The following BAZ2B variants were observed in gnomAD, a reference collection of about 807,000 sequenced individuals.
BAZ2B encodes bromodomain adjacent to zinc finger domain 2B, also known as bromodomain adjacent to zinc finger domain protein 2B.
A neutral mutation model predicts 246.0 loss-of-function variants in BAZ2B; 91 were observed. The ratio of observed to expected loss-of-function variants is 0.37; its 90% CI spans 0.31 to 0.44. The LOEUF (loss-of-function observed/expected upper bound fraction) is 0.44. Ranked by LOEUF, BAZ2B falls within the 20% of genes least tolerant of loss-of-function variation. The pLI is 1.00. For synonymous variants in BAZ2B, 855 were observed against 860.0 expected, an observed-to-expected ratio of 0.99 and a Z score of 0.10; for missense variants, 2,332 against 2,533.7, an observed-to-expected ratio of 0.92 and a Z score of 1.71.
At chr2:159,513,659 TG>T (rs1286540034) in intron 2 of BAZ2B, among the ~76,000 whole-genome samples, 1 of 152,210 alleles carries the variant, frequency 6.6e-6, no homozygotes, top group East Asian at 1.9e-4. Context: ...GAAATCTTTT[TG>T]GTTGTACCTC....
chr2:159,450,196 G>T (rs2074860721), intron 4 of BAZ2B, among the ~76,000 whole-genome samples: 1 of 152,126 alleles, frequency 6.6e-6, no homozygotes, highest in East Asian at 1.9e-4. Context: ...ATTTTAAAAA[G>T]TATTGGAGAA....
the BAZ2B span, among the ~76,000 whole-genome samples, chr2:159,691,677 G>A: frequency 6.6e-6 from 1 of 152,162 alleles, no homozygotes; most frequent in African/African-American, 2.4e-5. Flanking sequence ...AGCAACTCCA[G>A]CATCACTAGT....
intron 2 of BAZ2B, among the ~76,000 whole-genome samples, chr2:159,526,096 T>C (rs1419499852): frequency 6.6e-6 from 1 of 152,088 alleles, no homozygotes; most frequent in Non-Finnish European, 1.5e-5. Context: ...TATATAGAAG[T>C]AGGGATAATT....
chr2:159,476,391 T>C (rs1344716544), intron 3 of BAZ2B, among the ~76,000 whole-genome samples: 3 of 152,126 alleles, frequency 2.0e-5, no homozygotes, highest in Non-Finnish European at 2.9e-5. Context: ...TCAATATAAA[T>C]ACTCTATACT....
intron 13 of BAZ2B, among the ~76,000 whole-genome samples, chr2:159,418,923 A>G (rs921202118): frequency 6.6e-6 from 1 of 152,180 alleles, no homozygotes; most frequent in African/African-American, 2.4e-5. Flanking sequence ...TGCCTCTGGT[A>G]GTAAAATATT....
the BAZ2B span, among the ~76,000 whole-genome samples, chr2:159,656,399 CAG>C: frequency 6.6e-6 from 1 of 152,222 alleles, no homozygotes; most frequent in South Asian, 2.1e-4. Context: ...TGAGTTCTGA[CAG>C]ATGTATAATG....
intron 34 of BAZ2B, among the ~76,000 whole-genome samples, chr2:159,331,470 C>T (rs929213081): frequency 6.6e-6 from 1 of 152,200 alleles, no homozygotes; most frequent in Admixed American, 6.5e-5. Context: ...GAGGTTCAAG[C>T]GGTTCTCCTG....
intron 1 of BAZ2B, among the ~76,000 whole-genome samples, chr2:159,585,774 T>G (rs1049905638): frequency 6.6e-6 from 1 of 152,268 alleles, no homozygotes; most frequent in Non-Finnish European, 1.5e-5. Flanking sequence ...CTTCATTCAA[T>G]GACTAGGACT....
chr2:159,428,419 G>A lies in BAZ2B; in HGVS notation c.2256C>T (p.Gly752=). The part of the protein sequence containing the change: ...ERELRIPLEY[G]WQRETRIRNF... ...TTCTTATTCTTGTCTCTCTCTGCCA[G>A]CTACACATAACAGAAATGAAGGTTA... The change falls in exon 12 of 37, where the codon GGC becomes GGT. Residue 752 remains glycine (G), a splice_region_variant and synonymous_variant. Transcript: ENST00000392783. 2 of 1,608,494 alleles carry A rather than the reference G, an allele frequency of 1.2e-6. No homozygotes were observed. Among genetic ancestry groups the A allele is most frequent in the South Asian group, 2.2e-5 (2 of 90,682 alleles).
chr2:159,665,627 G>A, the BAZ2B span, among the ~76,000 whole-genome samples: 1 of 133,248 alleles, frequency 7.5e-6, no homozygotes, highest in Non-Finnish European at 1.6e-5. Context: ...AATAAATGGT[G>A]CTGGGAAAAC....
intron 19 of BAZ2B, chr2:159,396,936 A>G: frequency 2.1e-6 from 1 of 479,970 alleles, no homozygotes; most frequent in Non-Finnish European, 3.3e-6. Flanking sequence ...GATGTATGCA[A>G]TGCACTGTGC....
At chr2:159,315,789 A>T (rs374567228), downstream of BAZ2B, among the ~76,000 whole-genome samples, 7 of 152,226 alleles carry the variant, frequency 4.6e-5, no homozygotes, top group African/African-American at 1.7e-4. Context: ...GATTCCATAC[A>T]CAAGTCCATG....
At chr2:159,469,333 T>G (rs546693633) in intron 3 of BAZ2B, among the ~76,000 whole-genome samples, 2 of 152,290 alleles carry the variant, frequency 1.3e-5, no homozygotes, top group South Asian at 4.1e-4. Context: ...CATTTAATGA[T>G]GTAGACGAAA....
At chr2:159,620,420 G>C (rs1696383918), upstream of BAZ2B, among the ~76,000 whole-genome samples, 1 of 152,166 alleles carries the variant, frequency 6.6e-6, no homozygotes, top group South Asian at 2.1e-4. Context: ...TCACATTCTG[G>C]TTGATGTACA....
chr2:159,660,486 T>C, the BAZ2B span, among the ~76,000 whole-genome samples: 2 of 152,214 alleles, frequency 1.3e-5, no homozygotes, highest in Non-Finnish European at 2.9e-5. Flanking sequence ...GTTGTAGATG[T>C]GATGTATTTA....
chr2:159,675,705 G>A, the BAZ2B span, among the ~76,000 whole-genome samples: 34 of 151,938 alleles, frequency 2.2e-4, no homozygotes, highest in East Asian at 3.3e-3. Flanking sequence ...AGAATATAAC[G>A]AAATCCCAGC....
chr2:159,335,912 G>A (rs1438630869), intron 33 of BAZ2B, among the ~76,000 whole-genome samples: 1 of 152,202 alleles, frequency 6.6e-6, no homozygotes, highest in Non-Finnish European at 1.5e-5. Context: ...TGTAATCCTA[G>A]CACTTTGGGA....
At chr2:159,494,382 C>T (rs1423180312) in intron 2 of BAZ2B, among the ~76,000 whole-genome samples, 1 of 152,078 alleles carries the variant, frequency 6.6e-6, no homozygotes, top group Non-Finnish European at 1.5e-5. Flanking sequence ...TTTACAATCC[C>T]TAATCATACT....
At chr2:159,649,238 T>A in the BAZ2B span, among the ~76,000 whole-genome samples, 1 of 151,996 alleles carries the variant, frequency 6.6e-6, no homozygotes, top group African/African-American at 2.4e-5. Flanking sequence ...CAGCTCACCA[T>A]AATGTAGAAT....
Sources: gnomAD v4.1 joint callset for allele counts (sites outside exome capture counted in the v4.1 genomes callset) on GRCh38, gnomAD v4.1.1 for gene constraint, MANE v1.5 for transcripts, NCBI Gene and HGNC (gene_info 2026-07-23, HGNC 2026-07-21) for gene names.